Variants in PXDNL observed in about 807,000 individuals in gnomAD.
The protein encoded by PXDNL is probable oxidoreductase PXDNL.
A neutral mutation model predicts 150.8 loss-of-function variants in PXDNL; 145 were observed. That is an observed-to-expected ratio of 0.96 (90% confidence interval 0.84 to 1.10). The LOEUF is 1.10. Ranked by LOEUF, PXDNL falls within the 50% of genes least tolerant of loss-of-function variation. PXDNL has a pLI of 0.00. For missense variants in PXDNL, 2,087 were observed against 1,873.9 expected (o/e 1.11, Z -2.10); for synonymous variants, 757 against 725.7 (o/e 1.04, Z -0.69).
intron 1 of PXDNL, among the ~76,000 whole-genome samples, chr8:51,715,232 G>A (rs59153374): frequency 0.037 from 5,689 of 152,202 alleles, 343 homozygotes; most frequent in African/African-American, 0.12. Flanking sequence ...CATACAGAGG[G>A]CCAAGAAGAA....
intron 5 of PXDNL, among the ~76,000 whole-genome samples, chr8:51,486,646 C>G (rs1406802877): frequency 6.7e-6 from 1 of 148,494 alleles, no homozygotes; most frequent in African/African-American, 2.5e-5. Flanking sequence ...AATTAATTTT[C>G]AAAACAGTTA....
At chr8:51,618,786 CAT>C (rs1010017168) in intron 2 of PXDNL, among the ~76,000 whole-genome samples, 4 of 152,212 alleles carry the variant, frequency 2.6e-5, no homozygotes, top group Admixed American at 2.6e-4. Context: ...AAATGAGAAA[CAT>C]AATAACACCT....
At chr8:51,337,933 C>T (rs924798856) in intron 21 of PXDNL, among the ~76,000 whole-genome samples, 6 of 148,290 alleles carry the variant, frequency 4.0e-5, no homozygotes, top group Non-Finnish European at 5.9e-5. Context: ...AGTCCCAGCA[C>T]TTTGGGAGGT....
intron 17 of PXDNL, among the ~76,000 whole-genome samples, chr8:51,381,697 A>G (rs1003138440): frequency 2.6e-5 from 4 of 151,276 alleles, no homozygotes; most frequent in Non-Finnish European, 5.9e-5. Context: ...TCTGTCGCCC[A>G]GGCTAGAGTG....
intron 2 of PXDNL, among the ~76,000 whole-genome samples, chr8:51,603,862 T>C (rs914260995): frequency 4.6e-5 from 7 of 152,122 alleles, no homozygotes; most frequent in African/African-American, 1.7e-4. Flanking sequence ...GGCAACTCTG[T>C]TGCTAAATCA....
intron 1 of PXDNL, among the ~76,000 whole-genome samples, chr8:51,748,105 G>T (rs1563308786): frequency 6.6e-6 from 1 of 152,162 alleles, no homozygotes; most frequent in Non-Finnish European, 1.5e-5. Context: ...GGTAGTGTAG[G>T]ACACAGTCAG....
chr8:51,492,158 C>A (rs377139885), intron 5 of PXDNL, among the ~76,000 whole-genome samples: 1 of 152,192 alleles, frequency 6.6e-6, no homozygotes, highest in Non-Finnish European at 1.5e-5. Context: ...TTAAGGGCAT[C>A]CTTTTTTAAA....
intron 1 of PXDNL, among the ~76,000 whole-genome samples, chr8:51,772,577 G>T (rs1175830307): frequency 6.6e-6 from 1 of 152,148 alleles, no homozygotes; most frequent in Admixed American, 6.5e-5. Context: ...GAAGGTTCTG[G>T]GGGAATTCGT....
chr8:51,376,656 G>A (rs889222271), intron 17 of PXDNL, among the ~76,000 whole-genome samples: 4 of 151,568 alleles, frequency 2.6e-5, no homozygotes, highest in Non-Finnish European at 4.4e-5. Flanking sequence ...CAGTCTTTTT[G>A]ATGTCTGTTC....
chr8:51,538,097 G>A (rs1273909506), intron 4 of PXDNL, among the ~76,000 whole-genome samples: 1 of 152,320 alleles, frequency 6.6e-6, no homozygotes, highest in East Asian at 1.9e-4. Flanking sequence ...GTTTACTGAT[G>A]TGCAGGGAAT....
intron 19 of PXDNL, among the ~76,000 whole-genome samples, chr8:51,365,054 C>A (rs1277479157): frequency 6.6e-6 from 1 of 152,146 alleles, no homozygotes; most frequent in Non-Finnish European, 1.5e-5. Flanking sequence ...AATTCTCTTG[C>A]CTCAGCCTCC....
At chr8:51,627,788 G>T (rs909476370) in intron 2 of PXDNL, among the ~76,000 whole-genome samples, 1 of 152,154 alleles carries the variant, frequency 6.6e-6, no homozygotes, top group Non-Finnish European at 1.5e-5. Context: ...CTTGAAATCA[G>T]CAGTCCAGGG....
chr8:51,474,037 C>T (rs560157070), intron 7 of PXDNL, among the ~76,000 whole-genome samples: 1 of 152,150 alleles, frequency 6.6e-6, no homozygotes, highest in African/African-American at 2.4e-5. Flanking sequence ...GAGCTATGGA[C>T]AAGCTTGAGA....
At position 51,744,063 on chromosome 8, in the gene PXDNL, AAG is replaced by A. The variant is rs1563307088; in HGVS notation, c.164+65116_164+65117del. Among the ~76,000 whole-genome samples the A allele has an allele frequency of 9.6e-3, 730 of 75,986 alleles. 34 individuals carry two copies. Among genetic ancestry groups the A allele is most frequent in the African/African-American group, 0.016 (350 of 21,864 alleles). The allele number at this position is 75,986 out of a possible 152,430, so 49.8% of individuals were successfully genotyped here. Reference sequence around the variant, plus strand: ...GAAGGAAGGAAGGAAGGAAGGAAGGAAGGAAGGAAGGAAGGAAGGAAGGAAGG... The same window carrying A: ...GAAGGAAGGAAGGAAGGAAGGAAGGAGAAGGAAGGAAGGAAGGAAGGAAGG... On this transcript the variant is annotated intron_variant, in intron 1 of 22. Transcript: ENST00000356297.
intron 1 of PXDNL, among the ~76,000 whole-genome samples, chr8:51,805,592 C>T (rs566778413): frequency 1.3e-5 from 2 of 151,744 alleles, no homozygotes; most frequent in South Asian, 4.2e-4. Flanking sequence ...TTCCATTTCC[C>T]CACCCCCATC....
chr8:51,608,045 G>GAAAGAA (rs1813891769), intron 2 of PXDNL, among the ~76,000 whole-genome samples: 2 of 118,792 alleles, frequency 1.7e-5, no homozygotes, highest in Admixed American at 8.2e-5. Context: ...AAGAAAGAAA[G>GAAAGAA]AAAGAAAGAA....
chr8:51,699,711 A>G (rs1816211019), intron 1 of PXDNL, among the ~76,000 whole-genome samples: 1 of 151,850 alleles, frequency 6.6e-6, no homozygotes, highest in Non-Finnish European at 1.5e-5. Flanking sequence ...GAGACATGCA[A>G]CTCTTCCTTT....
chr8:51,469,155 T>C (rs1411256152), intron 8 of PXDNL, among the ~76,000 whole-genome samples: 1 of 152,038 alleles, frequency 6.6e-6, no homozygotes, highest in Admixed American at 6.6e-5. Context: ...TTATTTTTCC[T>C]TAACACTCTA....
intron 4 of PXDNL, among the ~76,000 whole-genome samples, chr8:51,547,677 A>G (rs1341372348): frequency 6.6e-6 from 1 of 152,194 alleles, no homozygotes; most frequent in African/African-American, 2.4e-5. Flanking sequence ...CCCATGGGAC[A>G]AGAGAATCTG....
Sources: allele counts gnomAD v4.1 joint callset (sites outside exome capture counted in the v4.1 genomes callset), GRCh38; gene constraint gnomAD v4.1.1; transcripts MANE v1.5; gene names NCBI Gene and HGNC (gene_info 2026-07-23, HGNC 2026-07-21).